Variants in SNTG2 observed in about 807,000 individuals in gnomAD.
SNTG2 encodes gamma-2-syntrophin.
A neutral mutation model predicts 70.9 loss-of-function variants in SNTG2; 74 were observed. The ratio of observed to expected loss-of-function variants is 1.04; its 90% CI spans 0.86 to 1.27. The LOEUF is 1.27. SNTG2 is among the 50% of genes most tolerant of loss of function. SNTG2 has a pLI of 0.00. For synonymous variants in SNTG2, 278 were observed against 273.8 expected (o/e 1.02, Z -0.15); for missense variants, 717 against 690.7 (o/e 1.04, Z -0.43).
intron 7 of SNTG2, among the ~76,000 whole-genome samples, chr2:1,171,907 C>T (rs1016746956): frequency 6.6e-6 from 1 of 152,166 alleles, no homozygotes; most frequent in African/African-American, 2.4e-5. Flanking sequence ...CAAGCCATAT[C>T]GCATTCCTGT....
intron 4 of SNTG2, among the ~76,000 whole-genome samples, chr2:1,103,721 T>C (rs1263728435): frequency 6.6e-6 from 1 of 152,204 alleles, no homozygotes; most frequent in Non-Finnish European, 1.5e-5. Context: ...ATCCATTTGA[T>C]GATTTTAAAC....
At chr2:964,028 A>G (rs931112039) in intron 1 of SNTG2, among the ~76,000 whole-genome samples, 1 of 152,146 alleles carries the variant, frequency 6.6e-6, no homozygotes, top group Non-Finnish European at 1.5e-5. Flanking sequence ...CGATCCACGC[A>G]GTCACAGTGT....
intron 16 of SNTG2, among the ~76,000 whole-genome samples, chr2:1,339,819 G>A (rs1052445948): frequency 3.3e-5 from 5 of 152,202 alleles, no homozygotes; most frequent in African/African-American, 1.2e-4. Context: ...CATACAGGCT[G>A]GAGACAAGAT....
chr2:1,301,432 T>C (rs1279649382), intron 14 of SNTG2, among the ~76,000 whole-genome samples: 1 of 152,198 alleles, frequency 6.6e-6, no homozygotes, highest in Non-Finnish European at 1.5e-5. Context: ...AAAAATATTA[T>C]GGCCTCAAAC....
chr2:1,226,594 G>A (rs1460879070), intron 9 of SNTG2, among the ~76,000 whole-genome samples: 5 of 152,132 alleles, frequency 3.3e-5, no homozygotes, highest in African/African-American at 1.2e-4. Context: ...GGCTCACACC[G>A]AGAGAAACGT....
chr2:1,307,257 A>G (rs1439384880), intron 14 of SNTG2, among the ~76,000 whole-genome samples: 1 of 127,014 alleles, frequency 7.9e-6, no homozygotes, highest in African/African-American at 3.1e-5. Flanking sequence ...TGCATTGTGT[A>G]TAAGTGTGTG....
At chr2:1,047,497 C>A (rs1461730558) in intron 1 of SNTG2, among the ~76,000 whole-genome samples, 3 of 152,168 alleles carry the variant, frequency 2.0e-5, no homozygotes, top group Non-Finnish European at 2.9e-5. Context: ...GCTGATACTC[C>A]TTCAGCTGTG....
chr2:1,031,326 C>T (rs149805680), intron 1 of SNTG2, among the ~76,000 whole-genome samples: 16 of 151,518 alleles, frequency 1.1e-4, no homozygotes, highest in African/African-American at 3.4e-4. Context: ...GTTCATGCTC[C>T]CATTTCCTCC....
chr2:1,118,023 AGCTAAAACCTG>A (rs77519721), intron 4 of SNTG2, among the ~76,000 whole-genome samples: 5,388 of 152,196 alleles, frequency 0.035, 214 homozygotes, highest in South Asian at 0.19. Context: ...TCAGAACCAG[AGCTAAAACCTG>A]GCCCCCCAGG....
chr2:1,363,629 C>G (rs73178293), intron 16 of SNTG2, among the ~76,000 whole-genome samples: 3,830 of 152,270 alleles, frequency 0.025, 159 homozygotes, highest in African/African-American at 0.087. Flanking sequence ...CAGGGTGTCC[C>G]CAGCTTAGAA....
At chr2:1,333,669 CA>C (rs1329454880) in intron 16 of SNTG2, among the ~76,000 whole-genome samples, 1 of 152,072 alleles carries the variant, frequency 6.6e-6, no homozygotes, top group Non-Finnish European at 1.5e-5. Context: ...ACAAAGCATA[CA>C]AAAACATAAA....
At chr2:1,217,713 T>C (rs532579036) in intron 9 of SNTG2, among the ~76,000 whole-genome samples, 24 of 152,328 alleles carry the variant, frequency 1.6e-4, no homozygotes, top group African/African-American at 4.8e-4. Flanking sequence ...ATTTCTGTTA[T>C]GTAGAAATGT....
intron 4 of SNTG2, among the ~76,000 whole-genome samples, chr2:1,125,791 G>C (rs1210125030): frequency 1.3e-5 from 2 of 152,104 alleles, no homozygotes; most frequent in Non-Finnish European, 2.9e-5. Flanking sequence ...TTCAGAACAG[G>C]ATATGATGAT....
chr2:1,331,136 G>A (rs1427579463), intron 16 of SNTG2, among the ~76,000 whole-genome samples: 1 of 152,208 alleles, frequency 6.6e-6, no homozygotes, highest in Non-Finnish European at 1.5e-5. Context: ...TCGTGTCCTG[G>A]ACAACATTGC....
At chr2:1,283,520 CCCT>C (rs1008573093) in intron 14 of SNTG2, among the ~76,000 whole-genome samples, 2 of 152,134 alleles carry the variant, frequency 1.3e-5, no homozygotes, top group Admixed American at 1.3e-4. Context: ...GCCCACAGTC[CCCT>C]CCTTCCCAGA....
chr2:1,176,303 G>T (rs1487093314), intron 8 of SNTG2, among the ~76,000 whole-genome samples: 3 of 152,116 alleles, frequency 2.0e-5, no homozygotes, highest in African/African-American at 4.8e-5. Flanking sequence ...CTACCTGAGG[G>T]TGAAGGGTGG....
intron 1 of SNTG2, among the ~76,000 whole-genome samples, chr2:1,048,560 A>T (rs1316250323): frequency 1.3e-5 from 2 of 151,512 alleles, no homozygotes. Context: ...GGATGCCAAC[A>T]CTTCTCTGTA....
chr2:1,308,191 G>A (rs1680798035), intron 14 of SNTG2, among the ~76,000 whole-genome samples: 1 of 152,180 alleles, frequency 6.6e-6, no homozygotes, highest in Non-Finnish European at 1.5e-5. Flanking sequence ...TCAAACACGC[G>A]TAGGAGAATA....
chr2:1,222,453 C>T (rs1350253639), intron 9 of SNTG2, among the ~76,000 whole-genome samples: 1 of 152,266 alleles, frequency 6.6e-6, no homozygotes, highest in Non-Finnish European at 1.5e-5. Context: ...GGAGGGGCTT[C>T]TTAAGCTGGA....
Sources: gnomAD v4.1 joint callset for allele counts (sites outside exome capture counted in the v4.1 genomes callset) on GRCh38, gnomAD v4.1.1 for gene constraint, MANE v1.5 for transcripts, NCBI Gene and HGNC (gene_info 2026-07-23, HGNC 2026-07-21) for gene names.